MMP26: variants seen among roughly 807,000 people sequenced by gnomAD.
MMP26 encodes matrix metalloproteinase-26.
MMP26 carries 33 observed loss-of-function variants against 31.0 expected under a neutral mutation model. The ratio of observed to expected loss-of-function variants is 1.06; its 90% CI spans 0.81 to 1.42. The LOEUF is 1.42. Among genes scored for constraint, MMP26 ranks in the 40% most tolerant of loss-of-function variants. MMP26 has a pLI of 0.00. For synonymous variants in MMP26, 122 were observed against 114.9 expected, an observed-to-expected ratio of 1.06 and a Z score of -0.40; for missense variants, 347 against 316.1, an observed-to-expected ratio of 1.10 and a Z score of -0.74.
At chr11:4,723,308 C>G in intron 1 of MMP26, 2 of 998,706 alleles carry the variant, frequency 2.0e-6, no homozygotes, top group Non-Finnish European at 3.2e-6. Context: ...TGCTTCCCAG[C>G]CAGCATCTGC....
intron 2 of MMP26, among the ~76,000 whole-genome samples, chr11:4,962,952 G>A (rs1252644375): frequency 2.0e-5 from 3 of 152,312 alleles, no homozygotes; most frequent in South Asian, 4.1e-4. Flanking sequence ...ACTTACCAGA[G>A]TTTTGCTGCT....
chr11:4,967,728 T>C (rs7939181), intron 2 of MMP26, among the ~76,000 whole-genome samples: 4,953 of 152,228 alleles, frequency 0.033, 293 homozygotes, highest in African/African-American at 0.11. Flanking sequence ...ATAAAATCAG[T>C]TTTTTCAATG....
In MMP26 at chr11:4,863,534, A is replaced by G. The variant is rs550940588; in HGVS notation, c.-145+96193A>G. 2.0e-5 allele frequency: 3 copies of G among 152,292 alleles called. No homozygotes were observed. The East Asian group carries it at 5.8e-4, about 29-fold the overall frequency. 9.4% of individuals were successfully genotyped at this position (152,292 alleles called of 1,614,324 possible). A position where few individuals can be genotyped will look rare whatever the true frequency, so the allele number is the denominator to read the frequency against. On this transcript the variant is annotated intron_variant, in intron 2 of 7. Transcript: ENST00000380390. ...TCTCTGTAGAATTTCATCAGGATTTAATAAAAAATGCCCTAAGTTATCTTA... is the reference window on the plus strand; with the variant it reads ...TCTCTGTAGAATTTCATCAGGATTTGATAAAAAATGCCCTAAGTTATCTTA...
intron 2 of MMP26, among the ~76,000 whole-genome samples, chr11:4,816,096 T>C (rs1849416151): frequency 6.6e-6 from 1 of 152,202 alleles, no homozygotes; most frequent in Non-Finnish European, 1.5e-5. Flanking sequence ...CTAAATAAAT[T>C]GTTTAATTTC....
At chr11:4,765,790 C>T (rs532814518) in intron 1 of MMP26, among the ~76,000 whole-genome samples, 3 of 152,308 alleles carry the variant, frequency 2.0e-5, no homozygotes, top group African/African-American at 7.2e-5. Context: ...ACGATGTGTC[C>T]TCTGTGCACT....
chr11:4,823,481 G>A (rs1849538702), intron 2 of MMP26, among the ~76,000 whole-genome samples: 1 of 152,082 alleles, frequency 6.6e-6, no homozygotes, highest in Non-Finnish European at 1.5e-5. Context: ...TGCCATCAAA[G>A]GTAGGGCTAT....
At chr11:4,976,665 G>A (rs979206473) in intron 2 of MMP26, among the ~76,000 whole-genome samples, 5 of 151,990 alleles carry the variant, frequency 3.3e-5, no homozygotes, top group Non-Finnish European at 7.4e-5. Flanking sequence ...GACACCTCAG[G>A]AAGCAAGACC....
At chr11:4,892,823 T>C (rs1004648589) in intron 2 of MMP26, among the ~76,000 whole-genome samples, 1 of 152,200 alleles carries the variant, frequency 6.6e-6, no homozygotes. Flanking sequence ...ATTTGCCTTC[T>C]AGTTACTCAA....
At chr11:4,932,562 A>G (rs113360892) in intron 2 of MMP26, among the ~76,000 whole-genome samples, 2,836 of 152,256 alleles carry the variant, frequency 0.019, 35 homozygotes, top group Middle Eastern at 0.037. Flanking sequence ...GGAATGAACG[A>G]TATTCAAAGT....
At chr11:4,743,140 A>G (rs1848336273) in intron 1 of MMP26, among the ~76,000 whole-genome samples, 1 of 152,184 alleles carries the variant, frequency 6.6e-6, no homozygotes, top group African/African-American at 2.4e-5. Flanking sequence ...GTGAATTATT[A>G]AAAAGGCAAG....
At chr11:4,778,725 C>A (rs1336844067) in intron 2 of MMP26, among the ~76,000 whole-genome samples, 5 of 151,916 alleles carry the variant, frequency 3.3e-5, no homozygotes, top group East Asian at 1.9e-4. Context: ...AAATATTAAA[C>A]CTTATAATTC....
Position 4,773,007 on chromosome 11 carries a change from C to T in MMP26, c.-145+5666C>T, listed in dbSNP as rs139656371. Among the ~76,000 whole-genome samples, 178 of 152,206 alleles carry T rather than the reference C, an allele frequency of 1.2e-3. No homozygotes were observed. In the East Asian group the frequency reaches 0.014, roughly 12 times the overall value. On this transcript the variant is annotated intron_variant, in intron 2 of 7. Transcript: ENST00000380390. ...CCATCAACTGTTTTGACTAATACTTCCACGACAAAAATGAACTATAATCAA... is the reference window on the plus strand; with the variant it reads ...CCATCAACTGTTTTGACTAATACTTTCACGACAAAAATGAACTATAATCAA...
chr11:4,789,853 A>AATTCACACGG (rs1849000180), intron 2 of MMP26, among the ~76,000 whole-genome samples: 1 of 151,732 alleles, frequency 6.6e-6, no homozygotes, highest in South Asian at 2.1e-4. Flanking sequence ...TAAAGAAGAG[A>AATTCACACGG]AATTCACACA....
intron 2 of MMP26, among the ~76,000 whole-genome samples, chr11:4,828,973 G>A (rs955383181): frequency 2.6e-5 from 4 of 152,076 alleles, no homozygotes; most frequent in South Asian, 2.1e-4. Context: ...CCATCTGCCC[G>A]GGAGTTTCAG....
intron 2 of MMP26, among the ~76,000 whole-genome samples, chr11:4,854,685 G>T (rs971190983): frequency 2.0e-5 from 3 of 152,184 alleles, no homozygotes; most frequent in Non-Finnish European, 4.4e-5. Flanking sequence ...AGACTTAAAT[G>T]TCCCTGTTTG....
intron 2 of MMP26, chr11:4,923,669 A>G (rs780516480): frequency 1.9e-5 from 31 of 1,613,898 alleles, no homozygotes; most frequent in Non-Finnish European, 2.3e-5. Flanking sequence ...CACGGTGCGA[A>G]GGATGAGGGC....
intron 2 of MMP26, among the ~76,000 whole-genome samples, chr11:4,884,066 TG>T (rs745696235): frequency 1.8e-4 from 27 of 152,274 alleles, no homozygotes; most frequent in Middle Eastern, 3.4e-3. Flanking sequence ...CTGACAACTT[TG>T]TGATTTTGCT....
intron 2 of MMP26, among the ~76,000 whole-genome samples, chr11:4,789,329 C>T (rs1490116507): frequency 6.6e-6 from 1 of 151,946 alleles, no homozygotes; most frequent in Non-Finnish European, 1.5e-5. Context: ...ATGCCTCATT[C>T]TCTATTTCTA....
chr11:4,911,557 C>T (rs1012265988), intron 2 of MMP26, among the ~76,000 whole-genome samples: 5 of 152,142 alleles, frequency 3.3e-5, no homozygotes, highest in African/African-American at 9.7e-5. Flanking sequence ...CCAGTCACAC[C>T]GGTCCTCTTG....
Sources: allele counts gnomAD v4.1 joint callset (sites outside exome capture counted in the v4.1 genomes callset), GRCh38; gene constraint gnomAD v4.1.1; transcripts MANE v1.5; gene names NCBI Gene and HGNC (gene_info 2026-07-23, HGNC 2026-07-21).